The following CPLX1 variants were observed in gnomAD, a reference collection of about 807,000 sequenced individuals.
The protein encoded by CPLX1 is complexin 1.
CPLX1 carries 6 observed loss-of-function variants against 15.6 expected under a neutral mutation model. That is an observed-to-expected ratio of 0.39 (90% CI 0.21 to 0.76). The LOEUF is 0.76. Among genes scored for constraint, CPLX1 ranks in the 30% least tolerant of loss-of-function variants. The probability of loss-of-function intolerance (pLI) is 0.43; values close to 1 mark genes in which losing one functional copy is unlikely to be tolerated. For missense variants in CPLX1, 242 were observed against 188.6 expected (o/e 1.28, Z -1.66); for synonymous variants, 91 against 75.2 (o/e 1.21, Z -1.08).
intron 2 of CPLX1, among the ~76,000 whole-genome samples, chr4:810,090 C>T (rs1746637097): frequency 7.0e-6 from 1 of 143,040 alleles, no homozygotes; most frequent in East Asian, 2.0e-4. Flanking sequence ...CGCTTCGTTG[C>T]CCAGGCTGGA....
chr4:802,111 A>C (rs1280479816), intron 2 of CPLX1, among the ~76,000 whole-genome samples: 1 of 152,230 alleles, frequency 6.6e-6, no homozygotes, highest in Non-Finnish European at 1.5e-5. Flanking sequence ...AGGAATGTTC[A>C]TGGTAGTTTC....
At chr4:792,242 G>A (rs1186387175) in intron 3 of CPLX1, among the ~76,000 whole-genome samples, 191 bp downstream of exon 3, 1 of 152,174 alleles carries the variant, frequency 6.6e-6, no homozygotes, top group Non-Finnish European at 1.5e-5. Flanking sequence ...AGGAGGGGCT[G>A]GGCCCCACAG....
rs1223385354 is a variant in CPLX1, at chr4:809,672, G to A, written c.31+14820C>T. Among the ~76,000 whole-genome samples, 27 of 152,174 alleles carry A rather than the reference G, an allele frequency of 1.8e-4. 1 individual carries two copies. The highest frequency in any genetic ancestry group is 5.9e-5 in the Non-Finnish European group (4 of 68,038). On this transcript the variant is annotated intron_variant, in intron 2 of 3. Coordinates refer to ENST00000304062, the MANE Select transcript of CPLX1 (RefSeq NM_006651.4). ...TGACATACCCTAAGTCTGTTTTGAC[G>A]CATGTATATGTGTATGAAGCCATCA...
intron 2 of CPLX1, among the ~76,000 whole-genome samples, chr4:818,508 C>G (rs1389875719): frequency 6.6e-6 from 1 of 152,278 alleles, no homozygotes; most frequent in Non-Finnish European, 1.5e-5. Context: ...CTCAGCAACT[C>G]TGGTGGCTTT....
chr4:820,843 C>T (rs553761834), intron 2 of CPLX1, among the ~76,000 whole-genome samples: 44 of 152,142 alleles, frequency 2.9e-4, no homozygotes, highest in East Asian at 1.9e-4. Context: ...AGGTGGACAC[C>T]GGTGGCCCCC....
rs943858376 is a variant in CPLX1 at position 822,759 on chromosome 4, G to A, written c.31+1733C>T. Among the ~76,000 whole-genome samples, 11 of 152,210 alleles carry A rather than the reference G, an allele frequency of 7.2e-5. No individual in the cohort carries two copies. The East Asian group carries it at 7.7e-4, about 11-fold the overall frequency. Reference sequence around the variant, plus strand: ...TCTGTCTCACTCACACGCATCCTGAGACAGCAACAATGAGGCTCGCCGGGT... The same window carrying A: ...TCTGTCTCACTCACACGCATCCTGAAACAGCAACAATGAGGCTCGCCGGGT... On this transcript the variant is annotated intron_variant, in intron 2 of 3. Coordinates refer to ENST00000304062, the MANE Select transcript of CPLX1 (RefSeq NM_006651.4).
chr4:802,326 T>C (rs1577476590), intron 2 of CPLX1, among the ~76,000 whole-genome samples: 1 of 152,234 alleles, frequency 6.6e-6, no homozygotes, highest in Non-Finnish European at 1.5e-5. Flanking sequence ...GTATGTACAT[T>C]TGGGTGCAAA....
chr4:824,351 G>T, intron 2 of CPLX1, 141 bp downstream of exon 2: 1 of 767,288 alleles, frequency 1.3e-6, no homozygotes, highest in Non-Finnish European at 2.2e-6. Flanking sequence ...TTGCTCCTCT[G>T]CCCCAGGCTC....
At chr4:825,873 G>A (rs962765686) in intron 1 of CPLX1, among the ~76,000 whole-genome samples, 173 bp downstream of exon 1, 1 of 126,372 alleles carries the variant, frequency 7.9e-6, no homozygotes, top group Non-Finnish European at 1.7e-5. Context: ...GCGGAGGCCG[G>A]GGGGAGGAGC....
chr4:815,558 C>T (rs1746737101), intron 2 of CPLX1, among the ~76,000 whole-genome samples: 1 of 152,190 alleles, frequency 6.6e-6, no homozygotes, highest in Admixed American at 6.5e-5. Flanking sequence ...ACCGAATGCT[C>T]TGGAGCCCTT....
intron 2 of CPLX1, among the ~76,000 whole-genome samples, chr4:802,444 T>C (rs999143280): frequency 3.3e-5 from 5 of 152,184 alleles, no homozygotes; most frequent in Admixed American, 2.0e-4. Context: ...GCAATGGTTA[T>C]TGAAAATAAA....
chr4:821,600 C>T (rs992151253), intron 2 of CPLX1, among the ~76,000 whole-genome samples: 2 of 152,222 alleles, frequency 1.3e-5, no homozygotes, highest in African/African-American at 4.8e-5. Context: ...AGCTCCCAGG[C>T]CGTGTTTGCA....
At chr4:800,735 ATATAT>A (rs1392949121) in intron 2 of CPLX1, among the ~76,000 whole-genome samples, 1,135 of 19,196 alleles carry the variant, frequency 0.059, 32 homozygotes, top group Middle Eastern at 0.16. Context: ...AAAAAAAAAA[ATATAT>A]ATATATATAT....
At chr4:798,223 C>T (rs916281909) in intron 2 of CPLX1, among the ~76,000 whole-genome samples, 6 of 138,634 alleles carry the variant, frequency 4.3e-5, no homozygotes, top group African/African-American at 1.7e-4. Flanking sequence ...TGCAGTGAGC[C>T]GAGATGGCAC....
At chr4:789,902 TG>T (rs1746116234) in intron 3 of CPLX1, among the ~76,000 whole-genome samples, 1 of 76,568 alleles carries the variant, frequency 1.3e-5, no homozygotes, top group Non-Finnish European at 2.5e-5. Context: ...TGGCCACGCC[TG>T]AGGGCAGGGT....
At chr4:791,996 G>A (rs908810003) in intron 3 of CPLX1, among the ~76,000 whole-genome samples, 7 of 152,184 alleles carry the variant, frequency 4.6e-5, no homozygotes, top group African/African-American at 1.4e-4. Flanking sequence ...GTGACCTTGC[G>A]TGGCTGTCCT....
chr4:808,133 G>C lies in CPLX1; in HGVS notation c.32-15525C>G, dbSNP rs1409836467. Among the ~76,000 whole-genome samples the C allele has an allele frequency of 2.0e-5, 3 of 152,324 alleles. No homozygotes were observed. In the East Asian group the frequency reaches 5.8e-4, roughly 29 times the overall value. On this transcript the variant is annotated intron_variant, in intron 2 of 3. Transcript: ENST00000304062. ...AATTATGAAAAATTCGCCAGGCATA[G>C]TGGCACACACCTGTTGTCTCAGCTA...
intron 2 of CPLX1, among the ~76,000 whole-genome samples, chr4:820,204 C>T (rs1746835752): frequency 1.3e-5 from 2 of 151,542 alleles, no homozygotes; most frequent in South Asian, 4.2e-4. Context: ...CCGGACCCAG[C>T]TCAGCCCAGC....
intron 3 of CPLX1, among the ~76,000 whole-genome samples, chr4:789,387 TTCGTGAGAAAAAAGGGCAG>T (rs1238418640): frequency 1.3e-5 from 2 of 152,138 alleles, no homozygotes; most frequent in East Asian, 3.9e-4. Context: ...AAACACGGTA[TTCGTGAGAAAAAAGGGCAG>T]TGGGTGCTAA....
Sources: gnomAD v4.1 joint callset for allele counts (sites outside exome capture counted in the v4.1 genomes callset) on GRCh38, gnomAD v4.1.1 for gene constraint, MANE v1.5 for transcripts, NCBI Gene and HGNC (gene_info 2026-07-23, HGNC 2026-07-21) for gene names.